Variants in DNAJC7 observed in about 807,000 individuals in gnomAD.
DNAJC7 encodes DnaJ heat shock protein family (Hsp40) member C7, also known as dnaJ homolog subfamily C member 7.
In DNAJC7, 18 loss-of-function variants were observed where a neutral mutation model predicts 67.4. The ratio of observed to expected loss-of-function variants is 0.27; its 90% CI spans 0.18 to 0.40. DNAJC7 has a LOEUF of 0.40. Among genes scored for constraint, DNAJC7 ranks in the 10% least tolerant of loss-of-function variants. DNAJC7 has a pLI of 1.00. For synonymous variants in DNAJC7, 220 were observed against 207.8 expected (o/e 1.06, Z -0.50); for missense variants, 419 against 613.8 (o/e 0.68, Z 3.35).
At chr17:41,994,751 T>G (rs1049978428) in intron 5 of DNAJC7, 119 bp downstream of exon 5, 3 of 768,554 alleles carry the variant, frequency 3.9e-6, no homozygotes, top group Non-Finnish European at 6.4e-6. Flanking sequence ...CTAATTTAAG[T>G]GATAATTTAC....
chr17:42,003,013 T>C (rs1567967119), intron 1 of DNAJC7, among the ~76,000 whole-genome samples: 1 of 152,146 alleles, frequency 6.6e-6, no homozygotes. Context: ...TTTTAGTAAA[T>C]GGTGAGTAGA....
At chr17:41,979,415 T>C (rs541621515) in intron 12 of DNAJC7, among the ~76,000 whole-genome samples, 1 of 152,024 alleles carries the variant, frequency 6.6e-6, no homozygotes, top group African/African-American at 2.4e-5. Flanking sequence ...CTCACGCCTG[T>C]AATCCCAGCA....
chr17:41,989,018 C>T, intron 7 of DNAJC7, 122 bp from the exon 8 acceptor site: 7 of 1,193,268 alleles, frequency 5.9e-6, no homozygotes, highest in Non-Finnish European at 8.2e-6. Flanking sequence ...CAGAGCCCCG[C>T]CAACCCCCAA....
At position 41,994,865 on chromosome 17, in the gene DNAJC7, T is replaced by C. The variant is rs201296310; in HGVS notation, c.480+5A>G. On this transcript the variant is annotated splice_donor_5th_base_variant and intron_variant, in intron 5 of 13. Coordinates refer to ENST00000457167, the MANE Select transcript of DNAJC7 (RefSeq NM_003315.4). ...AGATGAGATTATCTCATGGTTGTACTGTACCTTCCGAAAATCTCGCTTCTC... is the reference window on the plus strand; with the variant it reads ...AGATGAGATTATCTCATGGTTGTACCGTACCTTCCGAAAATCTCGCTTCTC... 5.6e-6 allele frequency: 9 copies of C among 1,613,734 alleles called. No homozygotes were observed. In the East Asian group the frequency reaches 1.3e-4, roughly 24 times the overall value.
intron 1 of DNAJC7, among the ~76,000 whole-genome samples, chr17:42,001,737 C>T (rs543069011): frequency 2.6e-5 from 4 of 152,136 alleles, no homozygotes; most frequent in African/African-American, 4.8e-5. Flanking sequence ...CTTGAGTCTA[C>T]GGATATCTGC....
chr17:41,993,982 G>A (rs1326347751), intron 5 of DNAJC7, among the ~76,000 whole-genome samples: 4 of 151,222 alleles, frequency 2.6e-5, no homozygotes, highest in Non-Finnish European at 5.9e-5. Context: ...GGCGGAGGTT[G>A]CAGTGAGCCG....
intron 1 of DNAJC7, chr17:42,016,925 A>G: frequency 3.6e-6 from 4 of 1,119,712 alleles, no homozygotes; most frequent in Non-Finnish European, 4.4e-6. Context: ...AGGAGAGCAA[A>G]GGTTTTGGAG....
Position 41,977,286 on chromosome 17 carries a change from G to T in DNAJC7, c.1422C>A (p.Gly474=), listed in dbSNP as rs372894086. Residue 474 remains glycine, a synonymous_variant, in exon 13 of 14, where the codon GGC becomes GGA. Transcript: ENST00000457167. ...DPNNIFKAFF[G]GPGGFSFEAS... is the part of the protein sequence containing the mutation. ...CTTCAAAGCTGAAGCCGCCAGGACCGCCAAAGAATGCCTTGAAGATATTGT... is the reference window on the plus strand; with the variant it reads ...CTTCAAAGCTGAAGCCGCCAGGACCTCCAAAGAATGCCTTGAAGATATTGT... The T allele has an allele frequency of 1.3e-6, 2 of 1,584,362 alleles. No homozygotes were observed. Among genetic ancestry groups the T allele is most frequent in the Admixed American group, 3.6e-5 (2 of 55,214 alleles).
chr17:41,988,618 A>G (rs1379475965), intron 8 of DNAJC7, 114 bp downstream of exon 8: 17 of 1,292,902 alleles, frequency 1.3e-5, no homozygotes, highest in Non-Finnish European at 1.7e-5. Flanking sequence ...ACTATTAACC[A>G]TAACAACTTT....
At chr17:41,977,605 C>G (rs1411263121) in intron 12 of DNAJC7, 2 of 309,646 alleles carry the variant, frequency 6.5e-6, no homozygotes, top group African/African-American at 2.1e-5. Flanking sequence ...GTTTTCTCAA[C>G]AAATGGAATG....
chr17:41,976,887 CTA>C, intron 13 of DNAJC7, 117 bp from the exon 14 acceptor site: 1 of 1,299,898 alleles, frequency 7.7e-7, no homozygotes, highest in Non-Finnish European at 1.1e-6. Context: ...GAGAGAAACT[CTA>C]TGGGTATCAA....
chr17:41,976,955 G>C, intron 13 of DNAJC7, 185 bp from the exon 14 acceptor site: 1 of 701,944 alleles, frequency 1.4e-6, no homozygotes, highest in Non-Finnish European at 2.3e-6. Flanking sequence ...TTATACATGG[G>C]TAGCTTCTGA....
At chr17:42,011,431 CAT>C (rs2052113815) in intron 1 of DNAJC7, 1 of 152,204 alleles carries the variant, frequency 6.6e-6, no homozygotes, top group Non-Finnish European at 1.5e-5. Context: ...CACTAGTTAA[CAT>C]GTGGATCTGA....
At chr17:41,996,550 C>CCAG in intron 3 of DNAJC7, 126 bp from the exon 4 acceptor site, 1 of 741,180 alleles carries the variant, frequency 1.3e-6, no homozygotes, top group Non-Finnish European at 2.2e-6. Context: ...ACCTGTAATC[C>CCAG]CAGCACTTTG....
At chr17:41,984,308 T>TTC (rs1208970322) in intron 9 of DNAJC7, 2 of 148,368 alleles carry the variant, frequency 1.3e-5, no homozygotes, top group African/African-American at 5.0e-5. Context: ...TCTTTTTTTT[T>TTC]TTTTTTTTTT....
At chr17:42,003,514 T>C (rs1282741900) in intron 1 of DNAJC7, 2 of 152,142 alleles carry the variant, frequency 1.3e-5, no homozygotes, top group Non-Finnish European at 2.9e-5. Context: ...TCAAGTTGCC[T>C]TTACAGCAAA....
chr17:41,995,144 C>T (rs1026078738), intron 4 of DNAJC7, among the ~76,000 whole-genome samples, 200 bp from the exon 5 acceptor site: 4 of 152,148 alleles, frequency 2.6e-5, no homozygotes, highest in Admixed American at 6.5e-5. Context: ...CTGGCAACTG[C>T]GACAGGCTGC....
chr17:41,977,431 G>T, intron 12 of DNAJC7, 108 bp from the exon 13 acceptor site: 1 of 1,000,356 alleles, frequency 1.0e-6, no homozygotes, highest in Non-Finnish European at 1.5e-6. Context: ...TTCCTGGAGA[G>T]TCTCACTCCC....
chr17:42,000,265 C>T (rs1484271707), intron 2 of DNAJC7, among the ~76,000 whole-genome samples: 1 of 150,972 alleles, frequency 6.6e-6, no homozygotes, highest in East Asian at 1.9e-4. Flanking sequence ...ATTACAGGTG[C>T]CCGCCACCAG....
Sources: gnomAD v4.1 joint callset for allele counts (sites outside exome capture counted in the v4.1 genomes callset) on GRCh38, gnomAD v4.1.1 for gene constraint, MANE v1.5 for transcripts, NCBI Gene and HGNC (gene_info 2026-07-23, HGNC 2026-07-21) for gene names.